Variants in TMPRSS15 observed in about 807,000 individuals in gnomAD.
TMPRSS15 encodes the protein transmembrane serine protease 15, also known as enteropeptidase.
TMPRSS15 carries 128 observed loss-of-function variants against 125.3 expected under a neutral mutation model. That is an observed-to-expected ratio of 1.02 (90% CI 0.89 to 1.18). TMPRSS15 has a LOEUF of 1.18. Ranked by LOEUF, TMPRSS15 falls within the 50% of genes most tolerant of loss-of-function variation. TMPRSS15 has a pLI of 0.00. For synonymous variants in TMPRSS15, 446 were observed against 423.2 expected, an observed-to-expected ratio of 1.05 and a Z score of -0.66; for missense variants, 1,283 against 1,212.7, an observed-to-expected ratio of 1.06 and a Z score of -0.86.
intron 3 of TMPRSS15, among the ~76,000 whole-genome samples, chr21:18,390,902 G>A (rs964708321): frequency 1.3e-5 from 2 of 152,130 alleles, no homozygotes; most frequent in Admixed American, 1.3e-4. Flanking sequence ...CTTACAATCA[G>A]GTTGGAAGCC....
chr21:18,368,319 C>A (rs966502714), intron 6 of TMPRSS15, among the ~76,000 whole-genome samples: 7 of 152,166 alleles, frequency 4.6e-5, no homozygotes, highest in Non-Finnish European at 2.9e-5. Flanking sequence ...TTGACAAACC[C>A]TCTTTCAGTT....
intron 10 of TMPRSS15, among the ~76,000 whole-genome samples, chr21:18,348,210 T>A (rs1197089063): frequency 6.6e-6 from 1 of 151,690 alleles, no homozygotes; most frequent in African/African-American, 2.4e-5. Flanking sequence ...CCCAGAAAAT[T>A]GAATACACTT....
intron 18 of TMPRSS15, among the ~76,000 whole-genome samples, chr21:18,307,333 T>A (rs549804905): frequency 6.6e-6 from 1 of 152,294 alleles, no homozygotes; most frequent in Non-Finnish European, 1.5e-5. Flanking sequence ...AATCTGGTTA[T>A]TTGTCTCTCT....
chr21:18,415,227 T>C (rs892882277), intron 1 of TMPRSS15, among the ~76,000 whole-genome samples: 1 of 152,094 alleles, frequency 6.6e-6, no homozygotes, highest in Non-Finnish European at 1.5e-5. Flanking sequence ...TGCTATTGAT[T>C]TGTGAGTTCC....
chr21:18,361,626 T>G (rs1204525555), intron 7 of TMPRSS15, among the ~76,000 whole-genome samples: 1 of 152,094 alleles, frequency 6.6e-6, no homozygotes, highest in Non-Finnish European at 1.5e-5. Flanking sequence ...GTTAGTTAAT[T>G]TTTGAAAGTC....
chr21:18,289,530 A>G (rs2074808371), intron 21 of TMPRSS15, among the ~76,000 whole-genome samples: 1 of 152,210 alleles, frequency 6.6e-6, no homozygotes, highest in Admixed American at 6.5e-5. Context: ...AAATAAATGA[A>G]GTATAAATAG....
At chr21:18,412,151 A>G (rs2076167542) in intron 1 of TMPRSS15, among the ~76,000 whole-genome samples, 1 of 152,200 alleles carries the variant, frequency 6.6e-6, no homozygotes, top group Non-Finnish European at 1.5e-5. Flanking sequence ...TCTGTAGCTC[A>G]GGCAAGATTT....
chr21:18,305,211 C>G lies in TMPRSS15; in HGVS notation c.2166-7382G>C, dbSNP rs540945490. Among the ~76,000 whole-genome samples the G allele has an allele frequency of 2.1e-4, 8 of 37,800 alleles. 2 individuals carry two copies. The highest frequency in any genetic ancestry group is 9.0e-4 in the African/African-American group (8 of 8,854). The allele number at this position is 37,800 out of a possible 152,430, so 24.8% of individuals were successfully genotyped here. On this transcript the variant is annotated intron_variant, in intron 18 of 24. Transcript: ENST00000284885. ...TTTTTTTTTTTTTTTTTTTTTGAGA[C>G]GGAGTCTCCCTCTGTCGCCCAGGCT...
At chr21:18,326,602 GAGATGATCCTTT>G in intron 15 of TMPRSS15, 30 bp from the exon 16 acceptor site, 1 of 1,613,802 alleles carries the variant, frequency 6.2e-7, no homozygotes, top group Non-Finnish European at 8.5e-7. Flanking sequence ...GATAATCAGT[GAGATGATCCTTT>G]GGATCTAGAA....
intron 1 of TMPRSS15, among the ~76,000 whole-genome samples, chr21:18,441,966 C>T (rs1037809945): frequency 2.0e-5 from 3 of 152,114 alleles, no homozygotes; most frequent in African/African-American, 4.8e-5. Flanking sequence ...GCTGGGATTA[C>T]AGGCGTGAGC....
At chr21:18,405,777 G>A (rs768782587), upstream of TMPRSS15, among the ~76,000 whole-genome samples, 1 of 151,864 alleles carries the variant, frequency 6.6e-6, no homozygotes, top group Non-Finnish European at 1.5e-5. Context: ...TAAAAAGCAC[G>A]GAAAAATTTT....
At chr21:18,290,333 T>G (rs1568986152) in intron 21 of TMPRSS15, among the ~76,000 whole-genome samples, 1 of 54,190 alleles carries the variant, frequency 1.8e-5, no homozygotes, top group Admixed American at 1.3e-4. Flanking sequence ...AATACAGAAA[T>G]AACTGAAATT....
Position 18,353,850 on chromosome 21 carries a change from T to C in TMPRSS15, c.894A>G (p.Glu298=), listed in dbSNP as rs2075598113. 1.9e-6 allele frequency: 3 copies of C among 1,611,054 alleles called. No individual in the cohort carries two copies. Among genetic ancestry groups the C allele is most frequent in the Non-Finnish European group, 2.5e-6 (3 of 1,177,940 alleles). The change falls in exon 9 of 25, where the codon GAA becomes GAG. Residue 298 remains glutamate, a synonymous_variant. Transcript: ENST00000284885. ...AAATTCTTATTGTGCCAGGATTAGT[T>C]TCCCAAATAGAAGCTACAAAATAAA... ...SSKILRASIW[E]TNPGTIRIFS...
intron 1 of TMPRSS15, among the ~76,000 whole-genome samples, chr21:18,476,833 G>T (rs1036693718): frequency 6.6e-6 from 1 of 151,948 alleles, no homozygotes; most frequent in Non-Finnish European, 1.5e-5. Flanking sequence ...TAATAATAAT[G>T]CCATTAATTT....
intron 18 of TMPRSS15, among the ~76,000 whole-genome samples, chr21:18,301,630 T>A (rs2074974483): frequency 6.6e-6 from 1 of 152,322 alleles, no homozygotes; most frequent in Non-Finnish European, 1.5e-5. Context: ...AAAACTAGAC[T>A]GTACATTTTC....
At chr21:18,407,465 T>G (rs1358168643), upstream of TMPRSS15, among the ~76,000 whole-genome samples, 1 of 138,120 alleles carries the variant, frequency 7.2e-6, no homozygotes, top group Non-Finnish European at 1.6e-5. Flanking sequence ...TTTTTTTTTT[T>G]TGAGACAGTC....
At chr21:18,343,891 G>T (rs2075477088) in intron 11 of TMPRSS15, 64 bp downstream of exon 11, 14 of 1,431,648 alleles carry the variant, frequency 9.8e-6, no homozygotes, top group Non-Finnish European at 1.4e-5. Flanking sequence ...TGAGCCTGGT[G>T]GCCTGAGCAA....
chr21:18,439,098 A>G (rs889944500), intron 1 of TMPRSS15, among the ~76,000 whole-genome samples: 1 of 152,174 alleles, frequency 6.6e-6, no homozygotes, highest in African/African-American at 2.4e-5. Flanking sequence ...TGTCTCCCAA[A>G]TGATCCTCAG....
At chr21:18,276,753 T>C (rs2074625835) in intron 23 of TMPRSS15, among the ~76,000 whole-genome samples, 1 of 136,438 alleles carries the variant, frequency 7.3e-6, no homozygotes. Context: ...AAAACTGGGA[T>C]TCTTTTTTTT....
Sources: gnomAD v4.1 joint callset for allele counts (sites outside exome capture counted in the v4.1 genomes callset) on GRCh38, gnomAD v4.1.1 for gene constraint, MANE v1.5 for transcripts, NCBI Gene and HGNC (gene_info 2026-07-23, HGNC 2026-07-21) for gene names.